Variants in SAMMSON observed in about 807,000 individuals in gnomAD.
SAMMSON encodes the protein long intergenic non-protein coding RNA 1212.
chr3:70,158,483 T>G (rs2106691509), intron 4 of SAMMSON, among the ~76,000 whole-genome samples: 1 of 152,192 alleles, frequency 6.6e-6, no homozygotes, highest in African/African-American at 2.4e-5. Flanking sequence ...TGTTTCCAAG[T>G]TTTAGCTATT....
intron 3 of SAMMSON, among the ~76,000 whole-genome samples, chr3:70,047,261 G>A (rs889343530): frequency 6.6e-6 from 1 of 150,816 alleles, no homozygotes; most frequent in Non-Finnish European, 1.5e-5. Flanking sequence ...TATTGCACAG[G>A]AACAAAAAAA....
chr3:70,027,395 T>A (rs911271663), intron 3 of SAMMSON, among the ~76,000 whole-genome samples: 2 of 152,174 alleles, frequency 1.3e-5, no homozygotes, highest in Non-Finnish European at 2.9e-5. Flanking sequence ...ACTGAAAAAT[T>A]TAAGTGAGCA....
chr3:70,354,389 A>G (rs1702814600), intron 8 of SAMMSON: 1 of 152,248 alleles, frequency 6.6e-6, no homozygotes, highest in Non-Finnish European at 1.5e-5. Context: ...TCAAATGAAG[A>G]GTAAAATGAA....
At chr3:70,002,004 C>G (rs376029164) in intron 1 of SAMMSON, among the ~76,000 whole-genome samples, 3 of 152,182 alleles carry the variant, frequency 2.0e-5, no homozygotes, top group East Asian at 3.9e-4. Context: ...GAGAGTTAAC[C>G]AAAGACATAC....
chr3:70,030,983 T>A (rs763129480), intron 3 of SAMMSON, among the ~76,000 whole-genome samples: 5 of 152,178 alleles, frequency 3.3e-5, no homozygotes, highest in African/African-American at 1.2e-4. Flanking sequence ...GAAAAACAGT[T>A]CAGCAATTTC....
At chr3:70,077,973 T>C (rs1011715761) in intron 4 of SAMMSON, among the ~76,000 whole-genome samples, 1 of 152,210 alleles carries the variant, frequency 6.6e-6, no homozygotes, top group South Asian at 2.1e-4. Context: ...GCAACCACTC[T>C]TGGCATTCCT....
At chr3:70,058,176 G>A (rs557476764) in intron 3 of SAMMSON, among the ~76,000 whole-genome samples, 19 of 152,136 alleles carry the variant, frequency 1.2e-4, no homozygotes, top group African/African-American at 4.1e-4. Context: ...AGGCAGTTGA[G>A]GCTTGCATTG....
chr3:70,299,160 T>C (rs1702320700), intron 7 of SAMMSON, among the ~76,000 whole-genome samples: 2 of 152,162 alleles, frequency 1.3e-5, no homozygotes. Context: ...TGGTTACATA[T>C]ATTTTGTTAC....
intron 4 of SAMMSON, among the ~76,000 whole-genome samples, chr3:70,103,856 T>C (rs1224504804): frequency 2.6e-5 from 4 of 152,184 alleles, no homozygotes; most frequent in Non-Finnish European, 5.9e-5. Flanking sequence ...CGTTATTAAA[T>C]TGTGATAGTT....
intron 4 of SAMMSON, among the ~76,000 whole-genome samples, chr3:70,218,413 A>C (rs1048784155): frequency 6.6e-6 from 1 of 152,112 alleles, no homozygotes; most frequent in East Asian, 1.9e-4. Context: ...TAAGCTTTAC[A>C]GTAAAAAATC....
intron 4 of SAMMSON, among the ~76,000 whole-genome samples, chr3:70,089,285 T>C (rs574492784): frequency 4.6e-5 from 7 of 152,292 alleles, no homozygotes; most frequent in Admixed American, 1.3e-4. Flanking sequence ...TAACATTTAT[T>C]AATGAATGTA....
chr3:70,282,128 T>A (rs1436456163), intron 6 of SAMMSON, among the ~76,000 whole-genome samples: 1 of 151,996 alleles, frequency 6.6e-6, no homozygotes, highest in East Asian at 1.9e-4. Context: ...GGGAAATGGG[T>A]CAGGGAACCA....
At chr3:70,340,240 C>G (rs962363229) in intron 7 of SAMMSON, among the ~76,000 whole-genome samples, 2 of 57,324 alleles carry the variant, frequency 3.5e-5, no homozygotes, top group African/African-American at 1.5e-4. Context: ...TGAGGCCTGT[C>G]GTGGGTTGGG....
At chr3:70,012,446 G>C (rs2066961593) in exon 2 of SAMMSON, 1 of 152,042 alleles carries the variant, frequency 6.6e-6, no homozygotes, top group African/African-American at 2.4e-5. Context: ...ATACTACACT[G>C]CGGACTTTAA....
chr3:70,121,202 G>A (rs1448738412), intron 4 of SAMMSON, among the ~76,000 whole-genome samples: 1 of 152,188 alleles, frequency 6.6e-6, no homozygotes, highest in Non-Finnish European at 1.5e-5. Flanking sequence ...TGAGCCATGG[G>A]GAGCAGCTGT....
At chr3:70,068,773 T>C (rs930995469) in intron 3 of SAMMSON, 6 of 152,098 alleles carry the variant, frequency 3.9e-5, no homozygotes, top group Admixed American at 3.9e-4. Flanking sequence ...AGTCAGTAAG[T>C]ACTTCTGACA....
At chr3:70,405,181 A>G (rs1701168881) in intron 2 of SAMMSON, among the ~76,000 whole-genome samples, 1 of 152,188 alleles carries the variant, frequency 6.6e-6, no homozygotes, top group African/African-American at 2.4e-5. Flanking sequence ...TCACCACATA[A>G]TAGTAGGTGT....
rs538094454 is a variant in SAMMSON at position 70,418,170 on chromosome 3, GA to G, written n.234-44389del. On this transcript the variant is annotated intron_variant and non_coding_transcript_variant, in intron 2 of 3. Coordinates refer to the SAMMSON transcript ENST00000641053. ...AGCCTCTACTTTTCCCTTTCAGAAGGAGCAGGGAACAAATTTCAGAGGAGCA... is the reference window on the plus strand; with the variant it reads ...AGCCTCTACTTTTCCCTTTCAGAAGGGCAGGGAACAAATTTCAGAGGAGCA... Among the ~76,000 whole-genome samples, 10 of 152,278 alleles carry G rather than the reference GA, an allele frequency of 6.6e-5. No homozygotes were observed. In the South Asian group the frequency reaches 2.1e-3, roughly 32 times the overall value.
At chr3:70,297,269 G>T (rs1012954111) in intron 7 of SAMMSON, among the ~76,000 whole-genome samples, 2 of 152,020 alleles carry the variant, frequency 1.3e-5, no homozygotes, top group African/African-American at 4.8e-5. Flanking sequence ...TAAAGCAAAA[G>T]AATCAAAGAG....
Sources: allele counts gnomAD v4.1 joint callset (sites outside exome capture counted in the v4.1 genomes callset), GRCh38; gene constraint gnomAD v4.1.1; transcripts MANE v1.5; gene names NCBI Gene and HGNC (gene_info 2026-07-23, HGNC 2026-07-21).